FSTL5: variants seen among roughly 807,000 people sequenced by gnomAD.
The protein encoded by FSTL5 is follistatin like 5.
A neutral mutation model predicts 89.1 loss-of-function variants in FSTL5; 62 were observed. The observed-to-expected ratio is 0.70, with a 90% CI of 0.57 to 0.86. The LOEUF is 0.86. Among genes scored for constraint, FSTL5 ranks in the 40% least tolerant of loss-of-function variants. FSTL5 has a pLI of 0.00. For missense variants in FSTL5, 1,057 were observed against 1,001.6 expected (o/e 1.06, Z -0.75); for synonymous variants, 383 against 346.2 (o/e 1.11, Z -1.18).
rs114861943 is a variant in FSTL5, at chr4:161,694,384, A to C, written c.728-37890T>G. 7.1e-3 allele frequency among the ~76,000 whole-genome samples: 1,076 copies of C among 152,116 alleles called. 13 individuals carry two copies. Among genetic ancestry groups the C allele is most frequent in the African/African-American group, 0.024 (1,013 of 41,504 alleles). On this transcript the variant is annotated intron_variant, in intron 6 of 15. Transcript: ENST00000306100. ...TTGTATTTTTCTTCTGTCTGCTCAA[A>C]TCTGCTATTAAAAGCACTTGTAAAT...
chr4:161,430,899 G>A (rs1183261742), intron 15 of FSTL5, among the ~76,000 whole-genome samples: 1 of 152,032 alleles, frequency 6.6e-6, no homozygotes, highest in African/African-American at 2.4e-5. Context: ...AGAGAGAGTG[G>A]CATGACATAT....
intron 6 of FSTL5, among the ~76,000 whole-genome samples, chr4:161,667,589 G>A (rs1008511484): frequency 2.0e-5 from 3 of 152,010 alleles, no homozygotes; most frequent in Admixed American, 6.5e-5. Context: ...GTAGGACATA[G>A]GTAAAAGAAA....
chr4:162,152,613 T>C (rs1733272289), intron 1 of FSTL5, among the ~76,000 whole-genome samples: 1 of 152,056 alleles, frequency 6.6e-6, no homozygotes, highest in Non-Finnish European at 1.5e-5. Context: ...CCAAAAAGTG[T>C]TGTAAGCATT....
chr4:162,049,756 C>T (rs1383347228), intron 2 of FSTL5, among the ~76,000 whole-genome samples: 1 of 151,942 alleles, frequency 6.6e-6, no homozygotes, highest in Non-Finnish European at 1.5e-5. Context: ...CAAGAGAAAT[C>T]AAAGGCAACA....
chr4:161,847,930 G>A (rs1264005736), intron 4 of FSTL5, among the ~76,000 whole-genome samples: 2 of 149,368 alleles, frequency 1.3e-5, no homozygotes, highest in South Asian at 4.3e-4. Context: ...CAGCTACTCG[G>A]GAGACTGAGG....
At chr4:161,931,236 G>A (rs184821794) in intron 3 of FSTL5, among the ~76,000 whole-genome samples, 12 of 151,976 alleles carry the variant, frequency 7.9e-5, no homozygotes, top group Admixed American at 7.2e-4. Flanking sequence ...GTGTCACTGG[G>A]ACCGTAGAAG....
rs79183499 is a variant in FSTL5, at chr4:161,525,444, G to C, written c.1312+12722C>G. Among the ~76,000 whole-genome samples the C allele has an allele frequency of 7.9e-5, 12 of 152,138 alleles. No homozygotes were observed. The South Asian group carries it at 1.0e-3, about 13-fold the overall frequency. On this transcript the variant is annotated intron_variant, in intron 10 of 15. Transcript: ENST00000306100. ...ATAGTTAAGTCAGAGGTAATACTCC[G>C]TTGGTGTTCACATACTTTGTAAGGT... is the stretch of plus-strand genomic sequence containing the variant.
intron 12 of FSTL5, among the ~76,000 whole-genome samples, chr4:161,484,244 T>C (rs1333627052): frequency 2.0e-5 from 3 of 152,148 alleles, no homozygotes; most frequent in East Asian, 3.9e-4. Context: ...TTCCTTCTTT[T>C]TCTTATTCTC....
intron 4 of FSTL5, among the ~76,000 whole-genome samples, chr4:161,853,412 C>G (rs1731621377): frequency 6.6e-6 from 1 of 151,566 alleles, no homozygotes; most frequent in African/African-American, 2.4e-5. Context: ...GGATTACAGG[C>G]ACCTGCCACT....
intron 6 of FSTL5, among the ~76,000 whole-genome samples, chr4:161,744,119 T>C (rs549479772): frequency 1.3e-5 from 2 of 152,016 alleles, no homozygotes; most frequent in Admixed American, 6.6e-5. Context: ...TTTTCAAAGA[T>C]AGATGCTTTG....
intron 2 of FSTL5, among the ~76,000 whole-genome samples, chr4:162,097,697 G>A (rs1339125890): frequency 6.6e-6 from 1 of 151,734 alleles, no homozygotes; most frequent in East Asian, 1.9e-4. Flanking sequence ...TTTATAAAAA[G>A]TCAGAATGCA....
At chr4:161,781,251 T>C (rs973083562) in intron 4 of FSTL5, among the ~76,000 whole-genome samples, 3 of 152,132 alleles carry the variant, frequency 2.0e-5, no homozygotes, top group Admixed American at 2.0e-4. Context: ...AGCTATCATA[T>C]TTATATTAAT....
intron 15 of FSTL5, among the ~76,000 whole-genome samples, chr4:161,450,669 T>C (rs1733130648): frequency 6.6e-6 from 1 of 152,164 alleles, no homozygotes; most frequent in African/African-American, 2.4e-5. Flanking sequence ...TAATTGATTT[T>C]AGAAGGTAAT....
chr4:162,005,227 C>T (rs1288825085), intron 3 of FSTL5, among the ~76,000 whole-genome samples: 1 of 152,034 alleles, frequency 6.6e-6, no homozygotes, highest in Non-Finnish European at 1.5e-5. Context: ...CAATTGTTTG[C>T]TCATTATTTA....
intron 4 of FSTL5, among the ~76,000 whole-genome samples, chr4:161,914,172 GT>G (rs1266674509): frequency 6.6e-6 from 1 of 152,044 alleles, no homozygotes; most frequent in Non-Finnish European, 1.5e-5. Context: ...AAATGTTCTT[GT>G]TTTTTTATGT....
chr4:161,866,539 C>A (rs1206337413), intron 4 of FSTL5, among the ~76,000 whole-genome samples: 1 of 149,212 alleles, frequency 6.7e-6, no homozygotes, highest in African/African-American at 2.5e-5. Context: ...CTCCAAAACT[C>A]TTGCCTCAGG....
chr4:161,429,947 T>C (rs1327947691), intron 15 of FSTL5, among the ~76,000 whole-genome samples: 1 of 152,044 alleles, frequency 6.6e-6, no homozygotes, highest in Non-Finnish European at 1.5e-5. Context: ...TTCAGACACA[T>C]CATTCAAAAG....
chr4:161,932,952 A>C (rs1253102256), intron 3 of FSTL5, among the ~76,000 whole-genome samples: 1 of 152,130 alleles, frequency 6.6e-6, no homozygotes, highest in Non-Finnish European at 1.5e-5. Flanking sequence ...TCTACAAGTT[A>C]TAAAATAAAA....
intron 3 of FSTL5, among the ~76,000 whole-genome samples, chr4:161,982,986 G>A (rs1369121422): frequency 6.6e-6 from 1 of 152,090 alleles, no homozygotes; most frequent in Non-Finnish European, 1.5e-5. Flanking sequence ...CAACCCACAT[G>A]CTGTACTTTG....
Sources: allele counts gnomAD v4.1 joint callset (sites outside exome capture counted in the v4.1 genomes callset), GRCh38; gene constraint gnomAD v4.1.1; transcripts MANE v1.5; gene names NCBI Gene and HGNC (gene_info 2026-07-23, HGNC 2026-07-21).